Variants in AKAP6 observed in about 807,000 individuals in gnomAD.
AKAP6 encodes A-kinase anchoring protein 6, also known as A-kinase anchor protein 6.
In AKAP6, 58 loss-of-function variants were observed where a neutral mutation model predicts 188.5. The observed-to-expected ratio is 0.31, with a 90% CI of 0.25 to 0.38. AKAP6 has a LOEUF of 0.38. Ranked by LOEUF, AKAP6 falls within the 10% of genes least tolerant of loss-of-function variation. The probability of loss-of-function intolerance (pLI) is 1.00; values close to 1 mark genes in which losing one functional copy is unlikely to be tolerated. For missense variants in AKAP6, 2,710 were observed against 2,740.0 expected (o/e 0.99, Z 0.24); for synonymous variants, 989 against 998.6 (o/e 0.99, Z 0.18).
intron 2 of AKAP6, among the ~76,000 whole-genome samples, chr14:32,449,363 A>G (rs915577411): frequency 1.3e-5 from 2 of 151,896 alleles, no homozygotes; most frequent in East Asian, 3.9e-4. Context: ...CAAAACAAAC[A>G]AACAAAAAAT....
chr14:32,570,468 C>A (rs1884429044), intron 4 of AKAP6, among the ~76,000 whole-genome samples: 1 of 151,948 alleles, frequency 6.6e-6, no homozygotes, highest in Non-Finnish European at 1.5e-5. Context: ...AAATCCATCT[C>A]ATTGCCAGCA....
At chr14:32,638,005 A>G (rs1411551323) in intron 7 of AKAP6, among the ~76,000 whole-genome samples, 2 of 152,122 alleles carry the variant, frequency 1.3e-5, no homozygotes, top group Non-Finnish European at 2.9e-5. Context: ...TCACACAGAG[A>G]CACTCAGTAT....
chr14:32,473,531 AAGAG>A (rs1177475532), intron 2 of AKAP6, among the ~76,000 whole-genome samples: 1 of 152,218 alleles, frequency 6.6e-6, no homozygotes, highest in Non-Finnish European at 1.5e-5. Flanking sequence ...CCAAAGCAGA[AAGAG>A]AGAAAGGAAG....
In AKAP6 at chr14:32,476,993, A is replaced by C. The variant is rs145761866; in HGVS notation, c.324+43176A>C. Among the ~76,000 whole-genome samples the C allele has an allele frequency of 7.2e-5, 11 of 152,316 alleles. No individual in the cohort carries two copies. In the East Asian group the frequency reaches 1.5e-3, roughly 21 times the overall value. On this transcript the variant is annotated intron_variant, in intron 2 of 13. Coordinates refer to ENST00000280979, the MANE Select transcript of AKAP6 (RefSeq NM_004274.5). Reference sequence around the variant, plus strand: ...TAGATTCAAAGGTTTCCTGATTTGCAATTGGTTAAGGAGATGAAGCTTTAT... The same window carrying C: ...TAGATTCAAAGGTTTCCTGATTTGCCATTGGTTAAGGAGATGAAGCTTTAT...
chr14:32,446,640 A>G (rs1239278890), intron 2 of AKAP6, among the ~76,000 whole-genome samples: 1 of 151,872 alleles, frequency 6.6e-6, no homozygotes, highest in Non-Finnish European at 1.5e-5. Context: ...TTAGGCTTAG[A>G]TTTCCTATAG....
At chr14:32,698,234 T>TC (rs1341837933) in intron 9 of AKAP6, among the ~76,000 whole-genome samples, 1 of 152,120 alleles carries the variant, frequency 6.6e-6, no homozygotes, top group African/African-American at 2.4e-5. Flanking sequence ...TCATGTCTTC[T>TC]CAAGAATCCT....
chr14:32,540,160 CTCTCTCTCTATATA>C (rs1373637526), intron 3 of AKAP6, among the ~76,000 whole-genome samples: 6 of 110,612 alleles, frequency 5.4e-5, no homozygotes, highest in East Asian at 2.4e-4. Flanking sequence ...CTCTCTCTCT[CTCTCTCTCTATATA>C]TATATATATA....
At chr14:32,452,162 C>T (rs1169573791) in intron 2 of AKAP6, among the ~76,000 whole-genome samples, 1 of 151,798 alleles carries the variant, frequency 6.6e-6, no homozygotes, top group Non-Finnish European at 1.5e-5. Flanking sequence ...GGACTACAAG[C>T]ATGCACCACC....
At chr14:32,435,164 C>T (rs561023388) in intron 2 of AKAP6, among the ~76,000 whole-genome samples, 1 of 152,136 alleles carries the variant, frequency 6.6e-6, no homozygotes, top group Non-Finnish European at 1.5e-5. Flanking sequence ...TCTGCTTTGC[C>T]CCCTTCCCTT....
At chr14:32,341,448 A>G (rs916476459) in intron 1 of AKAP6, among the ~76,000 whole-genome samples, 15 of 152,218 alleles carry the variant, frequency 9.9e-5, no homozygotes, top group African/African-American at 3.4e-4. Flanking sequence ...TTTGTTCATT[A>G]TCATAGCAAT....
At chr14:32,350,141 C>T (rs769229024) in intron 1 of AKAP6, among the ~76,000 whole-genome samples, 13 of 152,252 alleles carry the variant, frequency 8.5e-5, no homozygotes, top group Non-Finnish European at 1.8e-4. Context: ...GTGGGCTAGA[C>T]TTAGTGACTT....
intron 11 of AKAP6, among the ~76,000 whole-genome samples, chr14:32,766,975 A>G (rs904115819): frequency 1.1e-4 from 16 of 152,138 alleles, no homozygotes; most frequent in Admixed American, 2.0e-4. Context: ...ATTTTGTGTT[A>G]GTTTTGTAGA....
chr14:32,735,183 A>G (rs1262697764), intron 10 of AKAP6, among the ~76,000 whole-genome samples: 1 of 152,162 alleles, frequency 6.6e-6, no homozygotes, highest in African/African-American at 2.4e-5. Context: ...AAAAAATGGA[A>G]TTTAATTCTC....
intron 1 of AKAP6, among the ~76,000 whole-genome samples, chr14:32,341,360 A>C (rs1459205950): frequency 2.0e-5 from 3 of 152,198 alleles, no homozygotes; most frequent in African/African-American, 7.2e-5. Context: ...GTCAAACGGT[A>C]TGGAATTTCC....
At chr14:32,495,644 C>T (rs373435488) in intron 2 of AKAP6, among the ~76,000 whole-genome samples, 3 of 152,156 alleles carry the variant, frequency 2.0e-5, no homozygotes, top group African/African-American at 4.8e-5. Context: ...ACACAAAGTG[C>T]GACTTATCTG....
At chr14:32,580,709 C>G (rs1456208693) in intron 5 of AKAP6, among the ~76,000 whole-genome samples, 1 of 152,060 alleles carries the variant, frequency 6.6e-6, no homozygotes, top group Non-Finnish European at 1.5e-5. Context: ...CCCACTCCCC[C>G]CACCCCACAA....
intron 12 of AKAP6, among the ~76,000 whole-genome samples, chr14:32,796,268 GA>G (rs201554416): frequency 6.6e-6 from 1 of 152,078 alleles, no homozygotes; most frequent in Non-Finnish European, 1.5e-5. Context: ...CACAGAATTA[GA>G]AAAAAACTTT....
intron 2 of AKAP6, chr14:32,474,668 C>T (rs1878964100): frequency 6.6e-6 from 1 of 152,250 alleles, no homozygotes; most frequent in Admixed American, 6.5e-5. Flanking sequence ...GAAACTAGCA[C>T]TTTTCCCCAA....
chr14:32,618,621 T>A (rs1017178499), intron 7 of AKAP6, among the ~76,000 whole-genome samples: 1 of 152,238 alleles, frequency 6.6e-6, no homozygotes. Flanking sequence ...GTTGGTTCCA[T>A]ATCTTTGCAA....
Sources: gnomAD v4.1 joint callset for allele counts (sites outside exome capture counted in the v4.1 genomes callset) on GRCh38, gnomAD v4.1.1 for gene constraint, MANE v1.5 for transcripts, NCBI Gene and HGNC (gene_info 2026-07-23, HGNC 2026-07-21) for gene names.